The following GLG1 variants were observed in gnomAD, a reference collection of about 807,000 sequenced individuals.
GLG1 encodes the protein Golgi apparatus protein 1.
In GLG1, 38 loss-of-function variants were observed where a neutral mutation model predicts 160.5. The observed-to-expected ratio is 0.24, with a 90% CI of 0.18 to 0.31. The LOEUF (loss-of-function observed/expected upper bound fraction) is 0.31, where lower values mean the gene tolerates loss of function less well. Ranked by LOEUF, GLG1 falls within the 10% of genes least tolerant of loss-of-function variation. The probability of loss-of-function intolerance (pLI) is 1.00; values close to 1 mark genes in which losing one functional copy is unlikely to be tolerated. For missense variants in GLG1, 1,373 were observed against 1,505.2 expected, an observed-to-expected ratio of 0.91 and a Z score of 1.45; for synonymous variants, 644 against 543.4, an observed-to-expected ratio of 1.19 and a Z score of -2.57.
chr16:74,530,663 G>C (rs552545108), intron 2 of GLG1, among the ~76,000 whole-genome samples: 2 of 151,512 alleles, frequency 1.3e-5, no homozygotes, highest in African/African-American at 4.9e-5. Context: ...AAGAGATGGG[G>C]GGCTCACTTT....
At chr16:74,572,416 C>A (rs1473814740) in intron 1 of GLG1, among the ~76,000 whole-genome samples, 1 of 150,634 alleles carries the variant, frequency 6.6e-6, no homozygotes, top group Non-Finnish European at 1.5e-5. Context: ...AAGGCTGAGG[C>A]AGGAGAGTCA....
At chr16:74,562,420 G>C (rs918144360) in intron 1 of GLG1, among the ~76,000 whole-genome samples, 5 of 152,132 alleles carry the variant, frequency 3.3e-5, no homozygotes, top group African/African-American at 1.2e-4. Flanking sequence ...AGCCTTTAAT[G>C]CATTATACCA....
chr16:74,587,709 T>C (rs531732199), intron 1 of GLG1, among the ~76,000 whole-genome samples: 54 of 152,114 alleles, frequency 3.5e-4, no homozygotes, highest in African/African-American at 1.3e-3. Flanking sequence ...CCACTAAAAA[T>C]ACAAAAATTA....
intron 8 of GLG1, among the ~76,000 whole-genome samples, 185 bp downstream of exon 8, chr16:74,490,816 T>C (rs935581616): frequency 2.0e-5 from 3 of 152,250 alleles, no homozygotes; most frequent in African/African-American, 4.8e-5. Context: ...TTTTGCTCTG[T>C]AGCAAATGTC....
chr16:74,481,838 G>A (rs943754575), intron 10 of GLG1, among the ~76,000 whole-genome samples: 1 of 152,102 alleles, frequency 6.6e-6, no homozygotes, highest in African/African-American at 2.4e-5. Flanking sequence ...AGGCTGGAGG[G>A]CAGTGGCGCG....
intron 1 of GLG1, among the ~76,000 whole-genome samples, chr16:74,601,707 A>AC (rs1958444257): frequency 6.6e-6 from 1 of 152,204 alleles, no homozygotes; most frequent in Non-Finnish European, 1.5e-5. Context: ...GCGTTGGGTG[A>AC]TAACGCATTT....
chr16:74,464,810 G>T (rs972375731), intron 19 of GLG1, among the ~76,000 whole-genome samples: 1 of 151,950 alleles, frequency 6.6e-6, no homozygotes, highest in African/African-American at 2.4e-5. Flanking sequence ...CTGAAATAAA[G>T]GAGCTAGAAC....
At chr16:74,513,909 T>C (rs1032455497) in intron 2 of GLG1, among the ~76,000 whole-genome samples, 4 of 152,216 alleles carry the variant, frequency 2.6e-5, no homozygotes, top group African/African-American at 9.6e-5. Flanking sequence ...GTTAGACAAA[T>C]GGCTAACTAG....
At chr16:74,500,547 C>A (rs1459786085) in intron 4 of GLG1, among the ~76,000 whole-genome samples, 1 of 151,664 alleles carries the variant, frequency 6.6e-6, no homozygotes, top group Non-Finnish European at 1.5e-5. Flanking sequence ...GTTTTTATCT[C>A]TGCTATAAAC....
chr16:74,511,890 A>T (rs1010285387), intron 2 of GLG1, among the ~76,000 whole-genome samples: 1 of 152,118 alleles, frequency 6.6e-6, no homozygotes, highest in Non-Finnish European at 1.5e-5. Context: ...GAACCATGAC[A>T]GTATTGTCAA....
intron 1 of GLG1, among the ~76,000 whole-genome samples, chr16:74,568,083 G>A (rs2018710887): frequency 6.6e-6 from 1 of 152,186 alleles, no homozygotes; most frequent in Admixed American, 6.5e-5. Context: ...TTGCAATAAT[G>A]CTGGGACACA....
intron 1 of GLG1, among the ~76,000 whole-genome samples, chr16:74,556,572 T>C (rs1466576793): frequency 6.6e-6 from 1 of 152,048 alleles, no homozygotes; most frequent in Non-Finnish European, 1.5e-5. Context: ...TGGTCTCAGC[T>C]ACTGGGGAGG....
chr16:74,465,649 G>T (rs2014973261), intron 19 of GLG1, 27 bp downstream of exon 19: 1 of 1,609,596 alleles, frequency 6.2e-7, no homozygotes. Context: ...GTTCATCCGT[G>T]CTCGGCCTTT....
chr16:74,513,421 CT>C (rs2143516870), intron 2 of GLG1, among the ~76,000 whole-genome samples: 1 of 152,246 alleles, frequency 6.6e-6, no homozygotes, highest in South Asian at 2.1e-4. Context: ...GCAGGTGCCC[CT>C]CTGGGACGAA....
At chr16:74,587,711 C>T (rs1156830861) in intron 1 of GLG1, among the ~76,000 whole-genome samples, 1 of 152,098 alleles carries the variant, frequency 6.6e-6, no homozygotes, top group Non-Finnish European at 1.5e-5. Context: ...ACTAAAAATA[C>T]AAAAATTAGC....
chr16:74,576,196 C>CA (rs896062527), intron 1 of GLG1, among the ~76,000 whole-genome samples: 168 of 136,100 alleles, frequency 1.2e-3, no homozygotes, highest in African/African-American at 1.8e-3. Flanking sequence ...GACTCCTTCT[C>CA]AAAAAAAAAA....
At chr16:74,549,071 T>C (rs2018127287) in intron 1 of GLG1, among the ~76,000 whole-genome samples, 1 of 152,220 alleles carries the variant, frequency 6.6e-6, no homozygotes, top group Non-Finnish European at 1.5e-5. Flanking sequence ...CAATGTTGGT[T>C]CAATGAATCA....
intron 4 of GLG1, among the ~76,000 whole-genome samples, chr16:74,497,161 C>T (rs1342514991): frequency 2.0e-5 from 3 of 151,664 alleles, no homozygotes; most frequent in South Asian, 2.1e-4. Flanking sequence ...TGGTGGTGTG[C>T]GCCTGTAATC....
intron 1 of GLG1, among the ~76,000 whole-genome samples, chr16:74,551,884 A>G (rs1875092976): frequency 1.3e-5 from 2 of 151,354 alleles, no homozygotes. Context: ...AGTAGATACA[A>G]CAGAAGGTAG....
Sources: allele counts gnomAD v4.1 joint callset (sites outside exome capture counted in the v4.1 genomes callset), GRCh38; gene constraint gnomAD v4.1.1; transcripts MANE v1.5; gene names NCBI Gene and HGNC (gene_info 2026-07-23, HGNC 2026-07-21).